The following SUGP2 variants were observed in gnomAD, a reference collection of about 807,000 sequenced individuals.
SUGP2 encodes SURP and G-patch domain containing 2.
In SUGP2, 24 loss-of-function variants were observed where a neutral mutation model predicts 90.5. The ratio of observed to expected loss-of-function variants is 0.27; its 90% confidence interval spans 0.19 to 0.37. The LOEUF (loss-of-function observed/expected upper bound fraction) is 0.37, where lower values mean the gene tolerates loss of function less well. SUGP2 is among the 10% of genes least tolerant of loss of function. The pLI is 1.00. For synonymous variants in SUGP2, 473 were observed against 513.4 expected, an observed-to-expected ratio of 0.92 and a Z score of 1.06; for missense variants, 1,233 against 1,363.3, an observed-to-expected ratio of 0.90 and a Z score of 1.51.
chr19:19,022,863 G>A (rs576392971), intron 3 of SUGP2, among the ~76,000 whole-genome samples: 2 of 152,246 alleles, frequency 1.3e-5, no homozygotes, highest in African/African-American at 4.8e-5. Flanking sequence ...AGAAAGTCAG[G>A]AACAAATGAG....
In SUGP2 at chr19:19,004,393, C is replaced by G. The variant is rs141675288; in HGVS notation, c.2704G>C (p.Gly902Arg). The change falls in exon 7 of 11, where the codon GGG becomes CGG. Residue 902 changes from glycine to arginine, a missense_variant. Gly to Arg is a moderately radical substitution (Grantham distance 125). This residue lies in a region of SUGP2 where 540 missense variants were observed against 542.6 expected (regional missense o/e 1.00). Coordinates refer to ENST00000452918, the MANE Select transcript of SUGP2 (RefSeq NM_001017392.5). Reference sequence around the variant, plus strand: ...CCAGGAGCGGGGGCCTCCTCTCCCCCATCCTCATCGTCCTCGTCCTCCTCC... The same window carrying G: ...CCAGGAGCGGGGGCCTCCTCTCCCCGATCCTCATCGTCCTCGTCCTCCTCC... ...PEEEDEDDEDGGEEAPAPGGA... is the reference protein window; with the variant it reads ...PEEEDEDDEDRGEEAPAPGGA... 4.3e-6 allele frequency: 7 copies of G among 1,614,090 alleles called. No homozygotes were observed. Among genetic ancestry groups the G allele is most frequent in the Non-Finnish European group, 5.9e-6 (7 of 1,180,000 alleles).
At chr19:18,996,523 C>A (rs1719949602) in intron 8 of SUGP2, among the ~76,000 whole-genome samples, 1 of 151,884 alleles carries the variant, frequency 6.6e-6, no homozygotes, top group Non-Finnish European at 1.5e-5. Context: ...TTAACTGGAA[C>A]TATAGGTATG....
At chr19:19,018,471 AG>A (rs2058585026) in intron 4 of SUGP2, among the ~76,000 whole-genome samples, 1 of 152,020 alleles carries the variant, frequency 6.6e-6, no homozygotes, top group Non-Finnish European at 1.5e-5. Context: ...GTGGATCATG[AG>A]GTCAGGAGAT....
intron 8 of SUGP2, 63 bp downstream of exon 8, chr19:19,001,550 T>G: frequency 6.6e-7 from 1 of 1,523,454 alleles, no homozygotes; most frequent in Non-Finnish European, 9.1e-7. Context: ...CAGCATCCTT[T>G]GGAACTCCAA....
chr19:19,015,204 A>AAAATAAATAAAT (rs140520431), intron 4 of SUGP2, among the ~76,000 whole-genome samples: 1 of 146,522 alleles, frequency 6.8e-6, no homozygotes, highest in African/African-American at 2.5e-5. Flanking sequence ...TCTGTCTCAA[A>AAAATAAATAAAT]AAATAAATAA....
intron 5 of SUGP2, among the ~76,000 whole-genome samples, chr19:19,009,014 C>T (rs569210635): frequency 6.6e-6 from 1 of 152,160 alleles, no homozygotes. Flanking sequence ...CGGGTTCAAG[C>T]GATTCTCCTA....
At chr19:19,031,239 T>G in intron 1 of SUGP2, 157 bp from the exon 2 acceptor site, 1 of 725,362 alleles carries the variant, frequency 1.4e-6, no homozygotes, top group Non-Finnish European at 2.2e-6. Context: ...GAAACTAAAA[T>G]ACAAAAAATT....
chr19:18,998,616 A>ATG (rs759282046), intron 8 of SUGP2, among the ~76,000 whole-genome samples: 1 of 145,156 alleles, frequency 6.9e-6, no homozygotes, highest in Non-Finnish European at 1.5e-5. Context: ...GTGTGTATGC[A>ATG]TGTGTGTGTG....
chr19:18,993,695 G>T lies in SUGP2; in HGVS notation c.*46C>A, dbSNP rs929141545. The T allele has an allele frequency of 6.6e-6, 1 of 152,538 alleles. No individual in the cohort carries two copies. Among genetic ancestry groups the T allele is most frequent in the South Asian group, 2.1e-4 (1 of 4,816 alleles). The allele number at this position is 152,538 out of a possible 1,614,324, so 9.4% of individuals were successfully genotyped here. A position where few individuals can be genotyped will look rare whatever the true frequency, so the allele number is the denominator to read the frequency against. On this transcript the variant is annotated 3_prime_UTR_variant, in exon 11 of 11. Coordinates refer to ENST00000452918, the MANE Select transcript of SUGP2 (RefSeq NM_001017392.5). The stretch of plus-strand genomic sequence containing the variant: ...TCCAGGGCAGGGATGATGTTTTAAG[G>T]GCAATTGCTGCTTCAAGGCTTATCT...
intron 6 of SUGP2, chr19:19,007,559 TCTC>T (rs1363561514): frequency 3.3e-5 from 5 of 151,524 alleles, no homozygotes; most frequent in African/African-American, 1.2e-4. Context: ...TTCAAGCAAT[TCTC>T]CTGCCTCAGC....
At chr19:19,019,358 C>T in intron 3 of SUGP2, 129 bp from the exon 4 acceptor site, 1 of 1,015,232 alleles carries the variant, frequency 9.8e-7, no homozygotes, top group Non-Finnish European at 1.4e-6. Context: ...TCCTCATTCA[C>T]AAGACACCAG....
chr19:19,012,221 C>T (rs2058337586), intron 4 of SUGP2, among the ~76,000 whole-genome samples: 1 of 152,330 alleles, frequency 6.6e-6, no homozygotes, highest in Non-Finnish European at 1.5e-5. Flanking sequence ...TGGCATCCTG[C>T]AAGATCATGC....
intron 3 of SUGP2, among the ~76,000 whole-genome samples, chr19:19,020,466 T>C (rs143747988): frequency 0.023 from 3,379 of 147,962 alleles, 133 homozygotes; most frequent in African/African-American, 0.079. Flanking sequence ...TTTTTTGAGA[T>C]GGGGTCTCAC....
Position 19,024,759 on chromosome 19 carries a change from T to C in SUGP2, c.1589A>G (p.His530Arg). 1 of 1,614,176 alleles carries C rather than the reference T, an allele frequency of 6.2e-7. No individual in the cohort carries two copies. Among genetic ancestry groups the C allele is most frequent in the Non-Finnish European group, 8.5e-7 (1 of 1,180,032 alleles). Reference sequence around the variant, plus strand: ...GCTGCTGACTAGCCAGGCCTTCAGGTGGTCTATGTACTCTCGCCCAAACAA... The same window carrying C: ...GCTGCTGACTAGCCAGGCCTTCAGGCGGTCTATGTACTCTCGCCCAAACAA... ...STLFGREYID[H>R]LKAWLVSSGC... is the part of the protein sequence containing the mutation. The change falls in exon 3 of 11, where the codon CAC (histidine) becomes CGC (arginine). Residue 530 changes from histidine (H) to arginine (R), a missense_variant. His to Arg is a conservative substitution (Grantham distance 29). Transcript: ENST00000452918.
chr19:19,033,740 G>A (rs927550719), upstream of SUGP2: 17 of 260,736 alleles, frequency 6.5e-5, no homozygotes, highest in Non-Finnish European at 8.7e-5. Flanking sequence ...CGTCGCGCAC[G>A]AGGTGGCCTC....
intron 4 of SUGP2, among the ~76,000 whole-genome samples, chr19:19,014,749 G>A (rs1295015907): frequency 6.6e-6 from 1 of 151,104 alleles, no homozygotes; most frequent in Admixed American, 6.6e-5. Flanking sequence ...AGTGAACTAT[G>A]ATCATGCCAC....
intron 3 of SUGP2, 108 bp downstream of exon 3, chr19:19,024,511 T>C: frequency 7.7e-7 from 1 of 1,297,526 alleles, no homozygotes; most frequent in Non-Finnish European, 1.1e-6. Flanking sequence ...AAAATCCTGA[T>C]ATGTTTCCAA....
chr19:19,006,966 T>G (rs1283571477), intron 6 of SUGP2, among the ~76,000 whole-genome samples: 1 of 152,210 alleles, frequency 6.6e-6, no homozygotes, highest in Non-Finnish European at 1.5e-5. Context: ...ATGCACGTTT[T>G]CAACTGTAAT....
At position 19,019,165 on chromosome 19, in the gene SUGP2, G is replaced by C. The variant is rs994123376; in HGVS notation, c.1794C>G (p.Ile598Met). ...GTIDQLVKRVIEGSLSPKERT... is the reference protein window; with the variant it reads ...GTIDQLVKRVMEGSLSPKERT... The stretch of plus-strand genomic sequence containing the variant: ...TCTCTTTGGGAGACAGGCTGCCTTC[G>C]ATGACACGTTTCACAAGCTGGTCGA... The change falls in exon 4 of 11, where the codon ATC (isoleucine) becomes ATG (methionine). Residue 598 changes from isoleucine (I) to methionine (M), a missense_variant. Physicochemically the swap from Ile to Met is conservative, Grantham distance 10. Transcript: ENST00000452918. 3 of 1,614,126 alleles carry C rather than the reference G, an allele frequency of 1.9e-6. No homozygotes were observed. The highest frequency in any genetic ancestry group is 2.5e-6 in the Non-Finnish European group (3 of 1,179,982).
Sources: allele counts gnomAD v4.1 joint callset (sites outside exome capture counted in the v4.1 genomes callset), GRCh38; gene constraint gnomAD v4.1.1; regional missense constraint gnomAD v4.1.1; transcripts MANE v1.5; gene names NCBI Gene and HGNC (gene_info 2026-07-23, HGNC 2026-07-21).